The following CCDC158 variants were observed in gnomAD, a reference collection of about 807,000 sequenced individuals.
CCDC158 encodes coiled-coil domain containing 158.
A neutral mutation model predicts 138.6 loss-of-function variants in CCDC158; 116 were observed. That is an observed-to-expected ratio of 0.84 (90% CI 0.72 to 0.98). CCDC158 has a LOEUF of 0.98. Ranked by LOEUF, CCDC158 falls within the 50% of genes least tolerant of loss-of-function variation. CCDC158 has a pLI of 0.00. For missense variants in CCDC158, 1,265 were observed against 1,306.1 expected, an observed-to-expected ratio of 0.97 and a Z score of 0.48; for synonymous variants, 436 against 442.4, an observed-to-expected ratio of 0.99 and a Z score of 0.18.
rs180970707 is a variant in CCDC158 at position 76,360,498 on chromosome 4, C to T, written c.2020+1628G>A. On this transcript the variant is annotated intron_variant, in intron 13 of 24. Coordinates refer to ENST00000682701, the MANE Select transcript of CCDC158 (RefSeq NM_001394954.1). Reference sequence around the variant, plus strand: ...CATGAAAGCAGCCATGGGGGCTGTACCCTGCAGAGTCACAGAGGCAGAGCT... The same window carrying T: ...CATGAAAGCAGCCATGGGGGCTGTATCCTGCAGAGTCACAGAGGCAGAGCT... Among the ~76,000 whole-genome samples the T allele has an allele frequency of 3.9e-5, 6 of 152,314 alleles. No individual in the cohort carries two copies. In the East Asian group the frequency reaches 1.2e-3, roughly 29 times the overall value.
intron 4 of CCDC158, among the ~76,000 whole-genome samples, chr4:76,385,196 C>A (rs1472377961): frequency 6.6e-6 from 1 of 152,142 alleles, no homozygotes; most frequent in African/African-American, 2.4e-5. Flanking sequence ...GCAAAGCCAT[C>A]AAATTCTGCC....
At chr4:76,320,933 C>T (rs1336450582) in intron 24 of CCDC158, among the ~76,000 whole-genome samples, 1 of 152,126 alleles carries the variant, frequency 6.6e-6, no homozygotes, top group East Asian at 1.9e-4. Flanking sequence ...AATTAAAAAG[C>T]TTCTGCATAG....
chr4:76,372,028 A>G (rs1025710353), intron 9 of CCDC158, among the ~76,000 whole-genome samples: 5 of 151,838 alleles, frequency 3.3e-5, no homozygotes, highest in Non-Finnish European at 5.9e-5. Context: ...AGCCAGGGAA[A>G]TTAGACAAAA....
Position 76,343,808 on chromosome 4 carries a change from AAAACAAAC to A in CCDC158, c.2664+7180_2664+7187del, listed in dbSNP as rs561583739. ...AGAGTGAGACTCCATCTCAAAAAAC[AAAACAAAC>A]AAACAAACAAACAAACCAGGAAAGT... is the stretch of plus-strand genomic sequence containing the variant. On this transcript the variant is annotated intron_variant, in intron 18 of 24. Coordinates refer to ENST00000682701, the MANE Select transcript of CCDC158 (RefSeq NM_001394954.1). Among the ~76,000 whole-genome samples, 15 of 152,084 alleles carry A rather than the reference AAAACAAAC, an allele frequency of 9.9e-5. No homozygotes were observed. In the East Asian group the frequency reaches 1.2e-3, roughly 12 times the overall value.
intron 2 of CCDC158, among the ~76,000 whole-genome samples, chr4:76,404,164 C>G (rs928844871): frequency 1.3e-5 from 2 of 152,078 alleles, no homozygotes; most frequent in African/African-American, 4.8e-5. Flanking sequence ...CACCAAGGAA[C>G]CAGCAGAAGC....
At chr4:76,319,493 T>A (rs1719800511) in intron 24 of CCDC158, among the ~76,000 whole-genome samples, 3 of 96,180 alleles carry the variant, frequency 3.1e-5, no homozygotes, top group Non-Finnish European at 5.9e-5. Context: ...TATATATATA[T>A]ATATATATAT....
chr4:76,313,731 G>A (rs1170243983), intron 24 of CCDC158, among the ~76,000 whole-genome samples: 1 of 152,202 alleles, frequency 6.6e-6, no homozygotes, highest in Non-Finnish European at 1.5e-5. Context: ...CTCCGCCCAA[G>A]AGGTCATTAC....
intron 7 of CCDC158, among the ~76,000 whole-genome samples, 193 bp downstream of exon 7, chr4:76,383,469 C>A (rs985129717): frequency 2.6e-5 from 4 of 152,246 alleles, no homozygotes; most frequent in Admixed American, 6.5e-5. Flanking sequence ...CTATTGTAAT[C>A]ATCTCAAATG....
intron 14 of CCDC158, chr4:76,356,556 C>T (rs1018764061): frequency 4.6e-5 from 7 of 152,082 alleles, no homozygotes; most frequent in Non-Finnish European, 8.8e-5. Context: ...TCTCGAGTGA[C>T]TTCTCCAAAC....
intron 12 of CCDC158, among the ~76,000 whole-genome samples, chr4:76,366,219 A>AT (rs1191939253): frequency 1.3e-5 from 2 of 152,152 alleles, no homozygotes; most frequent in African/African-American, 4.8e-5. Flanking sequence ...AATCCTTTCT[A>AT]TGTCCCTTTT....
In CCDC158 at chr4:76,359,164, A is replaced by G. The variant is rs115344976; in HGVS notation, c.2021-1638T>C. On this transcript the variant is annotated intron_variant, in intron 13 of 24. Transcript: ENST00000682701. ...GCTTGTTTCCCCTTCACCTTCCACC[A>G]TGATTATGTTTTCTGAGACCTCCCA... Among the ~76,000 whole-genome samples the G allele has an allele frequency of 2.1e-3, 314 of 152,062 alleles. 4 individuals carry two copies. In the East Asian group the frequency reaches 0.041, roughly 20 times the overall value.
chr4:76,353,200 C>T lies in CCDC158; in HGVS notation c.2368G>A (p.Gly790Arg). 1 of 1,613,808 alleles carries T rather than the reference C, an allele frequency of 6.2e-7. No individual in the cohort carries two copies. Among genetic ancestry groups the T allele is most frequent in the Non-Finnish European group, 8.5e-7 (1 of 1,179,846 alleles). The change falls in exon 16 of 25, where the codon GGG becomes AGG. Residue 790 changes from glycine to arginine, a missense_variant. Coordinates refer to ENST00000682701, the MANE Select transcript of CCDC158 (RefSeq NM_001394954.1). ...TGAGATCGCAGAACTTCCAACTCCC[C>T]AGCCATCTTGTTTTTTTCTGTGGCA... ...TVATEKNKMAGELEVLRSQER... is the reference protein window; with the variant it reads ...TVATEKNKMARELEVLRSQER...
At chr4:76,413,615 T>C (rs1729469079) in intron 1 of CCDC158, among the ~76,000 whole-genome samples, 1 of 152,086 alleles carries the variant, frequency 6.6e-6, no homozygotes, top group African/African-American at 2.4e-5. Flanking sequence ...CCTGAATATA[T>C]ATGTGGAGGG....
intron 16 of CCDC158, 76 bp from the exon 17 acceptor site, chr4:76,351,888 A>G: frequency 1.2e-6 from 1 of 838,134 alleles, no homozygotes; most frequent in Non-Finnish European, 2.0e-6. Context: ...ATGAATGCAG[A>G]GCTGCCATCT....
chr4:76,371,492 T>TA lies in CCDC158; in HGVS notation c.1073dup (p.Thr359AsnfsTer2). ...GATCACGCTCTGTCCGGGCTTCAGT[T>TA]AGCTCTGAGTTGGCAAGGACTAACT... On this transcript the variant is annotated frameshift_variant, in exon 10 of 25. Transcript: ENST00000682701. LOFTEE classifies it high-confidence loss of function. 6.2e-7 allele frequency: 1 copy of TA among 1,614,164 alleles called. No individual in the cohort carries two copies. The highest frequency in any genetic ancestry group is 8.5e-7 in the Non-Finnish European group (1 of 1,179,996).
Position 76,334,795 on chromosome 4 carries a change from C to T in CCDC158, c.2665-628G>A, listed in dbSNP as rs377055413. On this transcript the variant is annotated intron_variant, in intron 18 of 24. Transcript: ENST00000682701. ...CAGAGTGCACTGGTGAGCAGGTAGA[C>T]TCAGGCTATCCTTGAGCTATTCTAG... 2.6e-5 allele frequency among the ~76,000 whole-genome samples: 4 copies of T among 152,192 alleles called. No homozygotes were observed. The East Asian group carries it at 7.7e-4, about 29-fold the overall frequency.
At chr4:76,421,697 C>G (rs1730144315), upstream of CCDC158, 1 of 150,838 alleles carries the variant, frequency 6.6e-6, no homozygotes, top group Non-Finnish European at 1.5e-5. Context: ...CCCATTCCCA[C>G]TCCTGGCATT....
At chr4:76,420,708 A>G (rs1004040851) in intron 1 of CCDC158, among the ~76,000 whole-genome samples, 3 of 152,142 alleles carry the variant, frequency 2.0e-5, no homozygotes, top group African/African-American at 7.2e-5. Context: ...CTTCCCCACA[A>G]ATCAAATCAG....
At chr4:76,373,680 T>C (rs1294769247) in intron 9 of CCDC158, among the ~76,000 whole-genome samples, 1 of 152,188 alleles carries the variant, frequency 6.6e-6, no homozygotes, top group Non-Finnish European at 1.5e-5. Context: ...TATCCACATA[T>C]ACATATATGA....
Sources: allele counts gnomAD v4.1 joint callset (sites outside exome capture counted in the v4.1 genomes callset), GRCh38; gene constraint gnomAD v4.1.1; transcripts MANE v1.5; gene names NCBI Gene and HGNC (gene_info 2026-07-23, HGNC 2026-07-21).